CC2D2B: variants seen among roughly 807,000 people sequenced by gnomAD.
CC2D2B encodes protein CC2D2B.
In CC2D2B, 128 loss-of-function variants were observed where a neutral mutation model predicts 161.2. The ratio of observed to expected loss-of-function variants is 0.79; its 90% CI spans 0.69 to 0.92. The LOEUF (loss-of-function observed/expected upper bound fraction) is 0.92. CC2D2B is among the 40% of genes least tolerant of loss of function. The pLI is 0.00. For missense variants in CC2D2B, 1,173 were observed against 1,375.1 expected (o/e 0.85, Z 2.32); for synonymous variants, 391 against 449.8 (o/e 0.87, Z 1.65).
chr10:95,963,045 T>A (rs931494926), intron 12 of CC2D2B, among the ~76,000 whole-genome samples: 2 of 152,106 alleles, frequency 1.3e-5, no homozygotes, highest in Non-Finnish European at 2.9e-5. Context: ...TGAGGCCCTT[T>A]GTGTTTGTTC....
intron 6 of CC2D2B, 81 bp downstream of exon 6, chr10:95,927,413 T>A (rs1271616231): frequency 2.7e-6 from 2 of 750,364 alleles, no homozygotes; most frequent in African/African-American, 3.6e-5. Flanking sequence ...ATGAAATACT[T>A]GGACGGGAGA....
chr10:96,023,049 C>G (rs1219394887), intron 32 of CC2D2B, among the ~76,000 whole-genome samples: 1 of 152,162 alleles, frequency 6.6e-6, no homozygotes, highest in African/African-American at 2.4e-5. Flanking sequence ...GCCAGGCTGG[C>G]CAATGCTGGG....
At chr10:95,960,449 T>C (rs1373243463) in intron 11 of CC2D2B, among the ~76,000 whole-genome samples, 2 of 152,104 alleles carry the variant, frequency 1.3e-5, no homozygotes, top group African/African-American at 4.8e-5. Flanking sequence ...AAAATTTAAT[T>C]TTGTTGTGGG....
At chr10:95,927,387 T>C in intron 6 of CC2D2B, 55 bp downstream of exon 6, 1 of 930,388 alleles carries the variant, frequency 1.1e-6, no homozygotes, top group Non-Finnish European at 1.7e-6. Context: ...AAATGATTCT[T>C]TATTAAAAGT....
chr10:95,973,371 G>A (rs1391556712), intron 16 of CC2D2B, among the ~76,000 whole-genome samples: 1 of 152,166 alleles, frequency 6.6e-6, no homozygotes, highest in Non-Finnish European at 1.5e-5. Context: ...AGAACAGCTT[G>A]CTGGCCTCTT....
chr10:96,022,869 G>A (rs1420179617), intron 32 of CC2D2B, among the ~76,000 whole-genome samples: 1 of 152,198 alleles, frequency 6.6e-6, no homozygotes, highest in Non-Finnish European at 1.5e-5. Context: ...CCTGAGGGAG[G>A]GGAGTTGTAG....
At chr10:95,960,227 C>T (rs1313813354) in intron 11 of CC2D2B, among the ~76,000 whole-genome samples, 1 of 152,112 alleles carries the variant, frequency 6.6e-6, no homozygotes, top group Non-Finnish European at 1.5e-5. Context: ...CTCAAAATGA[C>T]CACACTCCTT....
intron 19 of CC2D2B, among the ~76,000 whole-genome samples, chr10:95,986,688 C>T (rs946716504): frequency 6.6e-6 from 1 of 152,020 alleles, no homozygotes; most frequent in Admixed American, 6.6e-5. Flanking sequence ...CCTCCACCTC[C>T]TGGGTTCAAG....
intron 9 of CC2D2B, among the ~76,000 whole-genome samples, chr10:95,947,220 C>T (rs2076251075): frequency 6.7e-6 from 1 of 148,508 alleles, no homozygotes; most frequent in Admixed American, 6.7e-5. Context: ...TCTAGCGATT[C>T]TCCTGCCTCA....
chr10:95,911,366 T>C lies in CC2D2B; in HGVS notation c.36+7T>C, dbSNP rs952050880. 1 of 241,070 alleles carries C rather than the reference T, an allele frequency of 4.1e-6. No homozygotes were observed. Among genetic ancestry groups the C allele is most frequent in the Non-Finnish European group, 7.8e-6 (1 of 128,018 alleles). The allele number at this position is 241,070 out of a possible 1,614,324, so 14.9% of individuals were successfully genotyped here. ...AGAAGATATTTTTAAAAAGGTAAGG[T>C]ATTAATGGAGTTTATAATATTTTGA... On this transcript the variant is annotated splice_region_variant and intron_variant, in intron 2 of 34. Coordinates refer to ENST00000646931, the MANE Select transcript of CC2D2B (RefSeq NM_001349008.3).
intron 25 of CC2D2B, 88 bp from the exon 26 acceptor site, chr10:96,009,733 AAGAG>A: frequency 2.0e-6 from 1 of 494,222 alleles, no homozygotes; most frequent in Non-Finnish European, 3.4e-6. Context: ...TTTTAGAAGA[AAGAG>A]AATGACTTTT....
chr10:95,955,999 C>T lies in CC2D2B; in HGVS notation c.1109+508C>T, dbSNP rs960085639. Among the ~76,000 whole-genome samples the T allele has an allele frequency of 1.9e-4, 29 of 152,112 alleles. 1 individual carries two copies. The highest frequency in any genetic ancestry group is 6.5e-4 in the African/African-American group (27 of 41,418). On this transcript the variant is annotated intron_variant, in intron 11 of 34. Transcript: ENST00000646931. ...CAAGACAAAACATATTCATGTGTCA[C>T]AGAATCTCTAAAAGCAGGAAAATTC...
At chr10:96,019,531 T>G in intron 31 of CC2D2B, 171 bp from the exon 32 acceptor site, 1 of 794,220 alleles carries the variant, frequency 1.3e-6, no homozygotes, top group Non-Finnish European at 2.0e-6. Context: ...ACCGTTGAGG[T>G]AGTCTAATGA....
intron 25 of CC2D2B, among the ~76,000 whole-genome samples, chr10:96,006,329 T>C (rs1474868608): frequency 6.7e-6 from 1 of 148,430 alleles, no homozygotes; most frequent in Non-Finnish European, 1.5e-5. Flanking sequence ...TTTATATATG[T>C]AATATATATT....
chr10:95,965,300 A>G (rs2076900005), intron 12 of CC2D2B, among the ~76,000 whole-genome samples: 1 of 152,134 alleles, frequency 6.6e-6, no homozygotes, highest in Non-Finnish European at 1.5e-5. Flanking sequence ...TGATAATTAA[A>G]TCAGTCAATA....
intron 2 of CC2D2B, chr10:95,920,113 G>T (rs1470579660): frequency 1.3e-5 from 2 of 152,098 alleles, no homozygotes; most frequent in African/African-American, 4.8e-5. Context: ...AAGACCTAAG[G>T]TCTGGAATCA....
intron 9 of CC2D2B, among the ~76,000 whole-genome samples, chr10:95,939,300 T>C (rs1216193381): frequency 6.6e-6 from 1 of 152,202 alleles, no homozygotes; most frequent in Non-Finnish European, 1.5e-5. Flanking sequence ...AGGTACTCTA[T>C]ATTGTTGTGT....
At chr10:95,921,050 TC>T (rs1455933199) in intron 2 of CC2D2B, 18 of 152,478 alleles carry the variant, frequency 1.2e-4, no homozygotes, top group Non-Finnish European at 2.9e-5. Context: ...TCACCCTGAG[TC>T]CACTGGCTGT....
Position 96,019,738 on chromosome 10 carries a change from G to A in CC2D2B, c.3802G>A (p.Ala1268Thr). 1 of 1,601,592 alleles carries A rather than the reference G, an allele frequency of 6.2e-7. No individual in the cohort carries two copies. The highest frequency in any genetic ancestry group is 1.4e-5 in the African/African-American group (1 of 74,020). ...FNIQQNNTPM[A>T]VFFDYSKESF... ...TATTCAACAAAATAATACACCAATG[G>A]CTGTATTTTTTGACTATTCAAAGGA... Residue 1268 changes from alanine (A) to threonine (T), a missense_variant, in exon 32 of 35, where the codon GCT (alanine) becomes ACT (threonine). By Grantham distance (58) the Ala-to-Thr change is moderately conservative. Transcript: ENST00000646931.
Sources: allele counts gnomAD v4.1 joint callset (sites outside exome capture counted in the v4.1 genomes callset), GRCh38; gene constraint gnomAD v4.1.1; transcripts MANE v1.5; gene names NCBI Gene and HGNC (gene_info 2026-07-23, HGNC 2026-07-21).